The following PRKCH variants were observed in gnomAD, a reference collection of about 807,000 sequenced individuals.
The protein encoded by PRKCH is protein kinase C eta type.
In PRKCH, 28 loss-of-function variants were observed where a neutral mutation model predicts 82.5. The observed-to-expected ratio is 0.34, with a 90% CI of 0.25 to 0.47. The LOEUF is 0.47. Among genes scored for constraint, PRKCH ranks in the 20% least tolerant of loss-of-function variants. The pLI is 1.00. For missense variants in PRKCH, 705 were observed against 881.8 expected (o/e 0.80, Z 2.54); for synonymous variants, 322 against 327.4 (o/e 0.98, Z 0.18).
At chr14:61,540,775 G>T (rs1187207490) in intron 12 of PRKCH, among the ~76,000 whole-genome samples, 1 of 152,146 alleles carries the variant, frequency 6.6e-6, no homozygotes, top group Non-Finnish European at 1.5e-5. Flanking sequence ...CCATGAGTGT[G>T]CAGGTAACTA....
intron 1 of PRKCH, among the ~76,000 whole-genome samples, chr14:61,246,245 GA>G (rs59852160): frequency 0.2 from 25,135 of 125,862 alleles, 2,344 homozygotes; most frequent in African/African-American, 0.27. Flanking sequence ...ATCTCTACTG[GA>G]AAAAAAAAAA....
chr14:61,347,748 T>C (rs951068300), intron 1 of PRKCH: 2 of 152,326 alleles, frequency 1.3e-5, no homozygotes, highest in Non-Finnish European at 2.9e-5. Context: ...ATTAATAATT[T>C]GTATTGGCAG....
intron 1 of PRKCH, among the ~76,000 whole-genome samples, chr14:61,200,496 C>A (rs930427755): frequency 3.1e-4 from 47 of 152,062 alleles, no homozygotes; most frequent in African/African-American, 1.1e-3. Context: ...ACATGGGAAC[C>A]AGGACTGGAA....
intron 1 of PRKCH, among the ~76,000 whole-genome samples, chr14:61,343,669 A>G (rs1403490225): frequency 6.6e-6 from 1 of 152,224 alleles, no homozygotes. Context: ...TGATTGCACA[A>G]CATCCTGTGA....
chr14:61,520,019 G>A (rs1342113184), intron 10 of PRKCH, among the ~76,000 whole-genome samples: 2 of 148,882 alleles, frequency 1.3e-5, no homozygotes, highest in Non-Finnish European at 3.0e-5. Flanking sequence ...TGACCAATGG[G>A]TCCTTTTCCC....
intron 2 of PRKCH, among the ~76,000 whole-genome samples, chr14:61,421,678 A>C (rs1244020848): frequency 6.6e-6 from 1 of 152,070 alleles, no homozygotes; most frequent in Non-Finnish European, 1.5e-5. Context: ...ACTTCTTACT[A>C]ATTTATGGAA....
At chr14:61,243,471 CAT>C (rs1426625615) in intron 1 of PRKCH, among the ~76,000 whole-genome samples, 2 of 149,944 alleles carry the variant, frequency 1.3e-5, no homozygotes, top group Non-Finnish European at 3.0e-5. Context: ...GAGAGAATAA[CAT>C]GTGCAAAGAG....
intron 1 of PRKCH, among the ~76,000 whole-genome samples, chr14:61,312,295 C>T (rs1457634544): frequency 1.3e-5 from 2 of 152,210 alleles, no homozygotes; most frequent in Non-Finnish European, 2.9e-5. Flanking sequence ...TGCCACCATG[C>T]CTGGCTCATT....
intron 6 of PRKCH, chr14:61,452,631 A>C (rs554886977): frequency 6.5e-6 from 1 of 152,904 alleles, no homozygotes; most frequent in South Asian, 2.1e-4. Context: ...ACTATGAAGC[A>C]GTTAGAACCA....
At chr14:61,293,423 C>T (rs2045380194) in intron 1 of PRKCH, among the ~76,000 whole-genome samples, 1 of 152,148 alleles carries the variant, frequency 6.6e-6, no homozygotes, top group Non-Finnish European at 1.5e-5. Flanking sequence ...TTCCCATTGT[C>T]CCCTCCCCTT....
intron 1 of PRKCH, among the ~76,000 whole-genome samples, chr14:61,359,385 G>A (rs910644102): frequency 7.2e-5 from 11 of 152,290 alleles, no homozygotes; most frequent in African/African-American, 2.4e-4. Flanking sequence ...AATGATTGCT[G>A]TGAAAAATAA....
intron 1 of PRKCH, among the ~76,000 whole-genome samples, chr14:61,240,826 C>G (rs549357684): frequency 2.6e-5 from 4 of 152,240 alleles, no homozygotes; most frequent in African/African-American, 9.6e-5. Context: ...ACTTCTGACA[C>G]CAAATCTGAG....
intron 1 of PRKCH, among the ~76,000 whole-genome samples, chr14:61,227,819 G>C (rs1462598195): frequency 6.6e-6 from 1 of 152,146 alleles, no homozygotes; most frequent in East Asian, 1.9e-4. Flanking sequence ...TGAGCAGCCA[G>C]ATGTTAGCAT....
intron 10 of PRKCH, among the ~76,000 whole-genome samples, chr14:61,517,761 A>G (rs2042848944): frequency 6.6e-6 from 1 of 152,228 alleles, no homozygotes; most frequent in Non-Finnish European, 1.5e-5. Context: ...GGTTGTGATT[A>G]AGATATTAAT....
At chr14:61,230,228 G>A (rs970436786) in intron 1 of PRKCH, among the ~76,000 whole-genome samples, 31 of 152,072 alleles carry the variant, frequency 2.0e-4, no homozygotes, top group African/African-American at 7.0e-4. Flanking sequence ...CAATGCATAC[G>A]CTTCCTGTTT....
chr14:61,349,854 C>T (rs2046047912), intron 1 of PRKCH, among the ~76,000 whole-genome samples: 1 of 151,976 alleles, frequency 6.6e-6, no homozygotes, highest in South Asian at 2.1e-4. Context: ...GAACGAGACT[C>T]CATCTCAGAA....
intron 1 of PRKCH, among the ~76,000 whole-genome samples, chr14:61,202,194 G>C (rs534479617): frequency 6.6e-6 from 1 of 152,156 alleles, no homozygotes; most frequent in African/African-American, 2.4e-5. Context: ...GGGTTCTTTT[G>C]TACCTATCTG....
chr14:61,203,087 C>T (rs992656620), intron 1 of PRKCH, among the ~76,000 whole-genome samples: 9 of 152,012 alleles, frequency 5.9e-5, no homozygotes, highest in South Asian at 4.2e-4. Flanking sequence ...CATGCATTTC[C>T]CTCTTACCCA....
At chr14:61,463,511 G>A (rs1371723900) in intron 9 of PRKCH, among the ~76,000 whole-genome samples, 1 of 152,008 alleles carries the variant, frequency 6.6e-6, no homozygotes, top group African/African-American at 2.4e-5. Flanking sequence ...CTGCTTACAA[G>A]TATATAAATG....
Sources: gnomAD v4.1 joint callset for allele counts (sites outside exome capture counted in the v4.1 genomes callset) on GRCh38, gnomAD v4.1.1 for gene constraint, MANE v1.5 for transcripts, NCBI Gene and HGNC (gene_info 2026-07-23, HGNC 2026-07-21) for gene names.